The following SHISA9 variants were observed in gnomAD, a reference collection of about 807,000 sequenced individuals.
SHISA9 encodes shisa family member 9.
In SHISA9, 13 loss-of-function variants were observed where a neutral mutation model predicts 38.0. The observed-to-expected ratio is 0.34, with a 90% CI of 0.22 to 0.54. The LOEUF (loss-of-function observed/expected upper bound fraction) is 0.54, where lower values mean the gene tolerates loss of function less well. Ranked by LOEUF, SHISA9 falls within the 20% of genes least tolerant of loss-of-function variation. The pLI is 0.91. For synonymous variants in SHISA9, 275 were observed against 242.0 expected, an observed-to-expected ratio of 1.14 and a Z score of -1.27; for missense variants, 538 against 575.8, an observed-to-expected ratio of 0.93 and a Z score of 0.67.
chr16:12,909,127 G>A, intron 1 of SHISA9: 1 of 985,782 alleles, frequency 1.0e-6, no homozygotes, highest in Non-Finnish European at 1.2e-6. Flanking sequence ...TGCATCTACT[G>A]TTGGCCACAG....
intron 2 of SHISA9, among the ~76,000 whole-genome samples, chr16:12,937,188 C>G (rs1248647579): frequency 6.6e-6 from 1 of 152,094 alleles, no homozygotes; most frequent in Non-Finnish European, 1.5e-5. Flanking sequence ...TAGGCAGTGT[C>G]TTATGTCTAG....
At chr16:13,223,946 G>A (rs1456696028) in intron 4 of SHISA9, among the ~76,000 whole-genome samples, 1 of 152,218 alleles carries the variant, frequency 6.6e-6, no homozygotes, top group Non-Finnish European at 1.5e-5. Context: ...ACTTGAGGCA[G>A]TGGAGCCAGG....
intron 4 of SHISA9, among the ~76,000 whole-genome samples, chr16:13,214,133 C>CAAG (rs2051145608): frequency 6.6e-6 from 1 of 152,192 alleles, no homozygotes; most frequent in Non-Finnish European, 1.5e-5. Flanking sequence ...AAACACCCTT[C>CAAG]TCCATATGCT....
intron 2 of SHISA9, among the ~76,000 whole-genome samples, chr16:13,198,796 G>A (rs2050975274): frequency 6.6e-6 from 1 of 152,262 alleles, no homozygotes; most frequent in South Asian, 2.1e-4. Flanking sequence ...AGCACAAAAT[G>A]GCTATCTAAA....
chr16:13,251,204 C>T, the SHISA9 span, among the ~76,000 whole-genome samples: 1 of 152,152 alleles, frequency 6.6e-6, no homozygotes, highest in Admixed American at 6.5e-5. Flanking sequence ...CCCCAAGCTT[C>T]CTCCTCTCCA....
chr16:13,514,931 G>A, the SHISA9 span, among the ~76,000 whole-genome samples: 13 of 152,166 alleles, frequency 8.5e-5, no homozygotes, highest in South Asian at 4.2e-4. Context: ...AAACAAGAAC[G>A]ACAAAGACAA....
chr16:13,510,327 C>T, the SHISA9 span, among the ~76,000 whole-genome samples: 1 of 152,116 alleles, frequency 6.6e-6, no homozygotes, highest in Admixed American at 6.6e-5. Flanking sequence ...AACAAACAAA[C>T]TGAGGCTCAT....
chr16:12,993,649 GT>G (rs1055374522), intron 2 of SHISA9, among the ~76,000 whole-genome samples: 2 of 152,162 alleles, frequency 1.3e-5, no homozygotes, highest in Non-Finnish European at 2.9e-5. Context: ...CCTGCATGGA[GT>G]TTACCCTGTA....
intron 2 of SHISA9, among the ~76,000 whole-genome samples, chr16:13,098,657 G>C (rs947055515): frequency 2.6e-5 from 4 of 152,224 alleles, no homozygotes; most frequent in African/African-American, 9.6e-5. Flanking sequence ...GAGGCTGCAG[G>C]AGGCAGGATG....
chr16:13,076,722 C>T (rs868737699), intron 2 of SHISA9, among the ~76,000 whole-genome samples: 4 of 152,180 alleles, frequency 2.6e-5, no homozygotes, highest in Non-Finnish European at 4.4e-5. Flanking sequence ...TATGTGACAT[C>T]GGCAATAGCC....
chr16:13,022,847 C>T (rs2072874678), intron 2 of SHISA9, among the ~76,000 whole-genome samples: 1 of 152,134 alleles, frequency 6.6e-6, no homozygotes, highest in Non-Finnish European at 1.5e-5. Context: ...AGCAGTCCTC[C>T]TGCCTCTGCC....
intron 2 of SHISA9, among the ~76,000 whole-genome samples, chr16:13,122,140 A>G (rs928641227): frequency 2.0e-5 from 3 of 152,262 alleles, no homozygotes; most frequent in East Asian, 3.9e-4. Context: ...TAGGGGCTCA[A>G]TGCTTTTGTT....
intron 4 of SHISA9, among the ~76,000 whole-genome samples, chr16:13,220,340 A>G (rs1325803329): frequency 2.6e-5 from 4 of 152,200 alleles, no homozygotes; most frequent in Non-Finnish European, 5.9e-5. Flanking sequence ...TGAGGGTGGG[A>G]GAGGTGCAAG....
the SHISA9 span, among the ~76,000 whole-genome samples, chr16:13,293,289 G>T: frequency 6.6e-6 from 1 of 152,094 alleles, no homozygotes; most frequent in Admixed American, 6.6e-5. Flanking sequence ...GAAAAAATGA[G>T]AAGACCACGT....
chr16:13,214,407 C>T (rs1215178457), intron 4 of SHISA9, among the ~76,000 whole-genome samples: 2 of 151,974 alleles, frequency 1.3e-5, no homozygotes, highest in East Asian at 1.9e-4. Flanking sequence ...GGGGTTTCAC[C>T]GTGTTGGCCA....
chr16:13,002,234 C>T (rs967499996), intron 2 of SHISA9, among the ~76,000 whole-genome samples: 2 of 152,176 alleles, frequency 1.3e-5, no homozygotes, highest in African/African-American at 2.4e-5. Flanking sequence ...TGTTTAATGT[C>T]ATATGGTTAC....
the SHISA9 span, among the ~76,000 whole-genome samples, chr16:13,461,464 A>C: frequency 6.6e-6 from 1 of 151,920 alleles, no homozygotes; most frequent in Non-Finnish European, 1.5e-5. Flanking sequence ...CTGTAAACCC[A>C]GCTACTCGTG....
At chr16:13,321,891 A>C in the SHISA9 span, among the ~76,000 whole-genome samples, 26 of 152,348 alleles carry the variant, frequency 1.7e-4, no homozygotes, top group Middle Eastern at 6.8e-3. Flanking sequence ...AAATGGGGAT[A>C]ATAGGAATTA....
At chr16:13,440,781 G>A in the SHISA9 span, among the ~76,000 whole-genome samples, 1 of 152,144 alleles carries the variant, frequency 6.6e-6, no homozygotes, top group Non-Finnish European at 1.5e-5. Context: ...AATTAGCCAG[G>A]CGTGGTGGCG....
Sources: gnomAD v4.1 joint callset for allele counts (sites outside exome capture counted in the v4.1 genomes callset) on GRCh38, gnomAD v4.1.1 for gene constraint, MANE v1.5 for transcripts, NCBI Gene and HGNC (gene_info 2026-07-23, HGNC 2026-07-21) for gene names.